INO80: variants seen among roughly 807,000 people sequenced by gnomAD.
The protein encoded by INO80 is chromatin-remodeling ATPase INO80.
A neutral mutation model predicts 203.4 loss-of-function variants in INO80; 20 were observed. That is an observed-to-expected ratio of 0.10 (90% CI 0.07 to 0.14). The LOEUF is 0.14. Among genes scored for constraint, INO80 ranks in the 10% least tolerant of loss-of-function variants. INO80 has a pLI of 1.00. For missense variants in INO80, 1,419 were observed against 1,914.4 expected (o/e 0.74, Z 4.83); for synonymous variants, 726 against 685.2 (o/e 1.06, Z -0.93).
rs928473308 is a variant in INO80 at position 40,983,845 on chromosome 15, T to C, written c.4154A>G (p.Asp1385Gly). Reference protein sequence around the residue: ...ESSSDMLVIVDDPASSAPQSR... With the variant: ...ESSSDMLVIVGDPASSAPQSR... ...CTGAGGGGCTGAGGAGGCTGGGTCA[T>C]CCACAATGACCAGCATGTCACTGCT... The change falls in exon 34 of 36, where the codon GAT becomes GGT. Residue 1385 changes from aspartate to glycine, a missense_variant. Around this residue, in one of 9 missense-constraint regions of INO80, gnomAD observed 214 missense variants for 248.9 expected, o/e 0.86. Coordinates refer to ENST00000648947, the MANE Select transcript of INO80 (RefSeq NM_017553.3). The C allele has an allele frequency of 6.2e-7, 1 of 1,613,190 alleles. No homozygotes were observed. The highest frequency in any genetic ancestry group is 8.5e-7 in the Non-Finnish European group (1 of 1,179,986).
intron 25 of INO80, among the ~76,000 whole-genome samples, chr15:41,022,705 G>C (rs955492522): frequency 2.6e-5 from 4 of 152,158 alleles, no homozygotes; most frequent in Admixed American, 2.0e-4. Flanking sequence ...AAACTACAGA[G>C]GGTCACAGCA....
intron 17 of INO80, 122 bp from the exon 18 acceptor site, chr15:41,055,486 G>C (rs2044966398): frequency 2.4e-6 from 1 of 421,822 alleles, no homozygotes; most frequent in South Asian, 5.8e-5. Flanking sequence ...ATGTGTATGT[G>C]TGAATGAAAG....
At chr15:41,070,911 C>A (rs1287341053) in intron 12 of INO80, among the ~76,000 whole-genome samples, 1 of 152,208 alleles carries the variant, frequency 6.6e-6, no homozygotes, top group Non-Finnish European at 1.5e-5. Flanking sequence ...GTGGCTCATG[C>A]CCGTCCCGGC....
chr15:41,058,642 G>C lies in INO80; in HGVS notation c.1982C>G (p.Ser661Cys). 2 of 1,611,952 alleles carry C rather than the reference G, an allele frequency of 1.2e-6. No individual in the cohort carries two copies. The highest frequency in any genetic ancestry group is 8.5e-7 in the Non-Finnish European group (1 of 1,179,228). ...TGGTTTCTACTACTCATGTTACCTG[G>C]AACTACTCTTGAGCGCCTGAGCCTC... ...LDEAQALKSS[S>C]SVRWKILLQF... The change falls in exon 16 of 36, where the codon TCC becomes TGC. Residue 661 changes from serine to cysteine, a missense_variant. Physicochemically the swap from Ser to Cys is moderately radical, Grantham distance 112. This residue lies in a region of INO80 where 192 missense variants were observed against 406.7 expected (regional missense o/e 0.47). Transcript: ENST00000648947.
chr15:41,023,539 T>C lies in INO80; in HGVS notation c.3049-2414A>G, dbSNP rs147626607. Among the ~76,000 whole-genome samples the C allele has an allele frequency of 7.0e-3, 1,060 of 151,940 alleles. 15 individuals carry two copies. Among genetic ancestry groups the C allele is most frequent in the African/African-American group, 0.025 (1,024 of 41,454 alleles). The stretch of plus-strand genomic sequence containing the variant: ...ATCCCAGCAGTTTGGGAGGCCGAGG[T>C]GGGTGAATCACCTGAGGTCAGGAGT... On this transcript the variant is annotated intron_variant, in intron 25 of 35. Coordinates refer to ENST00000648947, the MANE Select transcript of INO80 (RefSeq NM_017553.3).
chr15:41,093,776 T>C (rs1301250512), intron 4 of INO80, among the ~76,000 whole-genome samples: 2 of 151,436 alleles, frequency 1.3e-5, no homozygotes, highest in Non-Finnish European at 2.9e-5. Flanking sequence ...ACCCAGGAGG[T>C]CGAAGCTGCA....
chr15:41,021,092 C>G lies in INO80; in HGVS notation c.3082G>C (p.Asp1028His). The G allele has an allele frequency of 6.2e-7, 1 of 1,614,148 alleles. No individual in the cohort carries two copies. The highest frequency in any genetic ancestry group is 8.5e-7 in the Non-Finnish European group (1 of 1,179,988). Residue 1028 changes from aspartate to histidine, a missense_variant, in exon 26 of 36, where the codon GAC becomes CAC. Asp to His is a moderately conservative substitution (Grantham distance 81, BLOSUM62 -1). Coordinates refer to ENST00000648947, the MANE Select transcript of INO80 (RefSeq NM_017553.3). ...TAVPLDSYCN[D>H]RSAEYERRVL... The stretch of plus-strand genomic sequence containing the variant: ...CGCCTTTCATATTCTGCACTTCGGT[C>G]ATTGCAGTAAGAATCCAATGGCACT...
At chr15:41,072,529 GC>G (rs1240910641) in intron 11 of INO80, among the ~76,000 whole-genome samples, 1 of 150,850 alleles carries the variant, frequency 6.6e-6, no homozygotes, top group Non-Finnish European at 1.5e-5. Flanking sequence ...GACCATCCTG[GC>G]CAACATGGTG....
At chr15:41,071,779 A>C in intron 12 of INO80, 70 bp downstream of exon 12, 1 of 1,383,520 alleles carries the variant, frequency 7.2e-7, no homozygotes. Context: ...TACTCATTTC[A>C]CAATCACATT....
intron 6 of INO80, among the ~76,000 whole-genome samples, chr15:41,087,144 A>AG (rs1048883802): frequency 2.6e-5 from 4 of 152,012 alleles, no homozygotes; most frequent in Non-Finnish European, 5.9e-5. Flanking sequence ...AAAAAAAAAA[A>AG]GAATGGTTGC....
At chr15:41,100,131 G>C (rs371013728) in intron 1 of INO80, among the ~76,000 whole-genome samples, 3 of 151,886 alleles carry the variant, frequency 2.0e-5, no homozygotes, top group Admixed American at 2.0e-4. Context: ...CTGGAATGCT[G>C]TGGCCCAATC....
At chr15:41,085,008 A>G (rs2045538977) in intron 7 of INO80, among the ~76,000 whole-genome samples, 1 of 152,208 alleles carries the variant, frequency 6.6e-6, no homozygotes, top group South Asian at 2.1e-4. Context: ...AAGTGCTGGG[A>G]TTACAGGTGT....
rs369703547 is a variant in INO80 at position 41,098,879 on chromosome 15, A to G, written c.-43-2526T>C. Among the ~76,000 whole-genome samples the G allele has an allele frequency of 3.3e-5, 5 of 152,178 alleles. No homozygotes were observed. The South Asian group carries it at 1.0e-3, about 32-fold the overall frequency. On this transcript the variant is annotated intron_variant, in intron 1 of 35. Transcript: ENST00000648947. ...CAACAAAGATGTATGACTAGCTAATAGACACATGAAAAAATGCTAAATATT... is the reference window on the plus strand; with the variant it reads ...CAACAAAGATGTATGACTAGCTAATGGACACATGAAAAAATGCTAAATATT...
intron 14 of INO80, among the ~76,000 whole-genome samples, chr15:41,060,183 G>A (rs1008515464): frequency 3.3e-5 from 5 of 152,154 alleles, no homozygotes; most frequent in African/African-American, 4.8e-5. Context: ...AGAAAACAAC[G>A]GAAGCCCAGA....
At chr15:41,033,554 T>G (rs1183066567) in intron 24 of INO80, among the ~76,000 whole-genome samples, 2 of 152,106 alleles carry the variant, frequency 1.3e-5, no homozygotes, top group Non-Finnish European at 2.9e-5. Context: ...AAAATAACTC[T>G]GGCCAGAGGT....
At chr15:41,022,380 G>T (rs1208433607) in intron 25 of INO80, among the ~76,000 whole-genome samples, 1 of 152,178 alleles carries the variant, frequency 6.6e-6, no homozygotes, top group Admixed American at 6.5e-5. Flanking sequence ...CAAGCTTTAG[G>T]GAAATGGCTG....
chr15:40,981,406 T>C (rs1893824360), intron 35 of INO80, among the ~76,000 whole-genome samples: 1 of 152,180 alleles, frequency 6.6e-6, no homozygotes, highest in African/African-American at 2.4e-5. Context: ...ATGACTGTTG[T>C]TTTCCAAGGA....
At chr15:41,092,528 G>A (rs1204359863) in intron 4 of INO80, among the ~76,000 whole-genome samples, 1 of 151,916 alleles carries the variant, frequency 6.6e-6, no homozygotes, top group African/African-American at 2.4e-5. Flanking sequence ...TACCTATAGG[G>A]TATAAAAAAA....
At chr15:41,074,289 A>G (rs1253235266) in intron 10 of INO80, 81 bp downstream of exon 10, 7 of 1,003,302 alleles carry the variant, frequency 7.0e-6, no homozygotes, top group Non-Finnish European at 9.9e-6. Flanking sequence ...TCAATAAAAA[A>G]TTCGCAAAAA....
Sources: gnomAD v4.1 joint callset for allele counts (sites outside exome capture counted in the v4.1 genomes callset) on GRCh38, gnomAD v4.1.1 for gene constraint, gnomAD v4.1.1 regional missense constraint, MANE v1.5 for transcripts, NCBI Gene and HGNC (gene_info 2026-07-23, HGNC 2026-07-21) for gene names.